NCOA2: variants seen among roughly 807,000 people sequenced by gnomAD.
NCOA2 encodes nuclear receptor coactivator 2.
Under a neutral mutation model 145.1 loss-of-function variants are expected in NCOA2, and 21 were observed. The observed-to-expected ratio is 0.14, with a 90% confidence interval of 0.10 to 0.21. NCOA2 has a LOEUF of 0.21. Among genes scored for constraint, NCOA2 ranks in the 10% least tolerant of loss-of-function variants. NCOA2 has a pLI of 1.00. For synonymous variants in NCOA2, 619 were observed against 637.5 expected, an observed-to-expected ratio of 0.97 and a Z score of 0.44; for missense variants, 1,472 against 1,837.6, an observed-to-expected ratio of 0.80 and a Z score of 3.64.
intron 2 of NCOA2, among the ~76,000 whole-genome samples, chr8:70,261,368 G>A (rs973723648): frequency 1.4e-4 from 21 of 151,814 alleles, no homozygotes; most frequent in Non-Finnish European, 7.4e-5. Context: ...GCCAAACACC[G>A]CATATTCTCA....
chr8:70,417,557 A>T, the NCOA2 span, among the ~76,000 whole-genome samples: 2 of 108,246 alleles, frequency 1.8e-5, no homozygotes, highest in East Asian at 6.0e-4. Context: ...CTCAAAAAAC[A>T]AACAAACAAA....
rs1563762022 is a variant in NCOA2, at chr8:70,321,792, C to CTTTTTTTTTTTTTTT, written c.-76-24993_-76-24992insAAAAAAAAAAAAAAA. Among the ~76,000 whole-genome samples, 4 of 97,528 alleles carry CTTTTTTTTTTTTTTT rather than the reference C, an allele frequency of 4.1e-5. 1 individual carries two copies. The highest frequency in any genetic ancestry group is 4.0e-5 in the Non-Finnish European group (2 of 50,328). 64.0% of individuals were successfully genotyped at this position (97,528 alleles called of 152,430 possible). A position where few individuals can be genotyped will look rare whatever the true frequency, so the allele number is the denominator to read the frequency against. ...ATGCTTTCCTAAGTTTCAGAATATACCTTTTTTTTTTTTTTTTTTTTTTTT... is the reference window on the plus strand; with the variant it reads ...ATGCTTTCCTAAGTTTCAGAATATACTTTTTTTTTTTTTTTCTTTTTTTTTTTTTTTTTTTTTTTT... On this transcript the variant is annotated intron_variant, in intron 1 of 22. Transcript: ENST00000452400.
the NCOA2 span, among the ~76,000 whole-genome samples, chr8:70,435,485 A>C: frequency 2.1e-5 from 3 of 145,856 alleles, no homozygotes; most frequent in African/African-American, 7.6e-5. Context: ...ACACTGCCCC[A>C]ACTGAGGTCC....
intron 20 of NCOA2, 88 bp downstream of exon 20, chr8:70,124,600 G>A: frequency 7.6e-7 from 1 of 1,313,690 alleles, no homozygotes; most frequent in Non-Finnish European, 1.0e-6. Context: ...AAAACAAACA[G>A]AAAGCTCCTC....
intron 2 of NCOA2, among the ~76,000 whole-genome samples, chr8:70,277,179 C>T (rs1825529513): frequency 6.6e-6 from 1 of 152,048 alleles, no homozygotes; most frequent in South Asian, 2.1e-4. Flanking sequence ...AGTGATTACG[C>T]AAAAACAAAA....
At chr8:70,381,901 T>C (rs1482642132) in intron 1 of NCOA2, among the ~76,000 whole-genome samples, 1 of 152,190 alleles carries the variant, frequency 6.6e-6, no homozygotes, top group African/African-American at 2.4e-5. Flanking sequence ...GATTATAAAA[T>C]GCACAAAATC....
chr8:70,310,048 C>A (rs569957612), intron 1 of NCOA2, among the ~76,000 whole-genome samples: 3 of 151,916 alleles, frequency 2.0e-5, no homozygotes, highest in South Asian at 4.2e-4. Flanking sequence ...AATCAAAACA[C>A]AGGCCAGGCG....
At chr8:70,449,676 G>A in the NCOA2 span, among the ~76,000 whole-genome samples, 1 of 152,184 alleles carries the variant, frequency 6.6e-6, no homozygotes, top group Admixed American at 6.5e-5. Flanking sequence ...GCAGAGACCT[G>A]AGCCCACTGG....
At chr8:70,176,230 T>G (rs1354362235) in intron 4 of NCOA2, among the ~76,000 whole-genome samples, 1 of 152,256 alleles carries the variant, frequency 6.6e-6, no homozygotes, top group African/African-American at 2.4e-5. Context: ...CCAAATGTAG[T>G]AATTTCTCTG....
rs576603871 is a variant in NCOA2, at chr8:70,172,778, C to T, written c.363+1978G>A. 2.0e-5 allele frequency among the ~76,000 whole-genome samples: 3 copies of T among 152,298 alleles called. No individual in the cohort carries two copies. In the East Asian group the frequency reaches 5.8e-4, roughly 29 times the overall value. On this transcript the variant is annotated intron_variant, in intron 5 of 22. Transcript: ENST00000452400. ...TTTTAAAAGTACATGTTGCTTCCTA[C>T]TGCTTATACCACAGTAAAAAGACTG...
At chr8:70,378,436 C>A (rs1811878146) in intron 1 of NCOA2, among the ~76,000 whole-genome samples, 1 of 151,934 alleles carries the variant, frequency 6.6e-6, no homozygotes, top group Admixed American at 6.5e-5. Context: ...AACCCAACGC[C>A]ATTATAAAGT....
intron 1 of NCOA2, among the ~76,000 whole-genome samples, chr8:70,393,289 T>C (rs569183493): frequency 6.6e-6 from 1 of 152,328 alleles, no homozygotes; most frequent in African/African-American, 2.4e-5. Context: ...TAGTGGTGCT[T>C]GAAGGGCACA....
At chr8:70,157,675 T>C (rs549565004) in intron 10 of NCOA2, among the ~76,000 whole-genome samples, 5 of 152,180 alleles carry the variant, frequency 3.3e-5, no homozygotes, top group Admixed American at 1.3e-4. Flanking sequence ...AGCCCAGAGC[T>C]CTGATATTTA....
the NCOA2 span, among the ~76,000 whole-genome samples, chr8:70,433,066 T>C: frequency 6.6e-6 from 1 of 152,202 alleles, no homozygotes; most frequent in African/African-American, 2.4e-5. Flanking sequence ...ATATTTATAT[T>C]TTACTTGGTA....
At chr8:70,372,668 G>T (rs940848022) in intron 1 of NCOA2, among the ~76,000 whole-genome samples, 7 of 152,138 alleles carry the variant, frequency 4.6e-5, no homozygotes, top group African/African-American at 1.7e-4. Flanking sequence ...GTGTATAAAT[G>T]TGTAAGTCTG....
At chr8:70,264,620 G>C (rs750559701) in intron 2 of NCOA2, among the ~76,000 whole-genome samples, 11 of 152,048 alleles carry the variant, frequency 7.2e-5, no homozygotes, top group Non-Finnish European at 1.3e-4. Context: ...CCCAGTCTAG[G>C]GATATTACCC....
chr8:70,159,576 C>T lies in NCOA2; in HGVS notation c.1053G>A (p.Thr351=), dbSNP rs779196822. ...LSDGTLVAAQ[T]KSKLIRSQTT... is the part of the protein sequence containing the mutation. The stretch of plus-strand genomic sequence containing the variant: ...TCTGAGAACGGATGAGTTTGCTCTT[C>T]GTTTGTGCAGCAACAAGAGTGCCAT... The change falls in exon 10 of 23, where the codon ACG becomes ACA. Residue 351 remains threonine (T), a synonymous_variant. Coordinates refer to ENST00000452400, the MANE Select transcript of NCOA2 (RefSeq NM_006540.4). The T allele has an allele frequency of 1.2e-6, 2 of 1,612,576 alleles. No individual in the cohort carries two copies. The highest frequency in any genetic ancestry group is 4.5e-5 in the East Asian group (2 of 44,866).
chr8:70,417,831 T>C, the NCOA2 span, among the ~76,000 whole-genome samples: 9 of 152,242 alleles, frequency 5.9e-5, no homozygotes, highest in Admixed American at 2.0e-4. Context: ...ATCTCCATTG[T>C]GTAGTTGCTG....
At chr8:70,430,387 A>G in the NCOA2 span, among the ~76,000 whole-genome samples, 1 of 152,212 alleles carries the variant, frequency 6.6e-6, no homozygotes, top group Admixed American at 6.5e-5. Flanking sequence ...TTACAATAGC[A>G]CTACATTTTT....
Sources: allele counts gnomAD v4.1 joint callset (sites outside exome capture counted in the v4.1 genomes callset), GRCh38; gene constraint gnomAD v4.1.1; transcripts MANE v1.5; gene names NCBI Gene and HGNC (gene_info 2026-07-23, HGNC 2026-07-21).